STMND1: variants seen among roughly 807,000 people sequenced by gnomAD.
STMND1 encodes stathmin domain containing 1.
A neutral mutation model predicts 23.0 loss-of-function variants in STMND1; 17 were observed. The observed-to-expected ratio is 0.74, with a 90% CI of 0.51 to 1.11. The LOEUF (loss-of-function observed/expected upper bound fraction) is 1.11, where lower values mean the gene tolerates loss of function less well. Ranked by LOEUF, STMND1 falls within the 50% of genes least tolerant of loss-of-function variation. The probability of loss-of-function intolerance (pLI) is 0.00; values close to 1 mark genes in which losing one functional copy is unlikely to be tolerated. For synonymous variants in STMND1, 114 were observed against 119.9 expected (o/e 0.95, Z 0.32); for missense variants, 305 against 329.1 (o/e 0.93, Z 0.57).
intron 1 of STMND1, 147 bp from the exon 2 acceptor site, chr6:17,114,815 G>T: frequency 1.3e-6 from 1 of 793,218 alleles, no homozygotes; most frequent in South Asian, 2.3e-5. Context: ...TGGCCCAGGG[G>T]GTTGGGGACC....
intron 1 of STMND1, among the ~76,000 whole-genome samples, chr6:17,112,702 G>A (rs186403183): frequency 4.6e-5 from 7 of 152,054 alleles, no homozygotes; most frequent in Non-Finnish European, 8.8e-5. Flanking sequence ...GCGTGAACCC[G>A]GGAGGCAGAG....
chr6:17,111,964 G>T (rs1318905651), intron 1 of STMND1, among the ~76,000 whole-genome samples: 5 of 152,150 alleles, frequency 3.3e-5, no homozygotes, highest in African/African-American at 1.2e-4. Context: ...ATCCCGCATG[G>T]CCTAATCAAC....
At chr6:17,109,054 A>G (rs1004842209) in intron 1 of STMND1, among the ~76,000 whole-genome samples, 2 of 152,184 alleles carry the variant, frequency 1.3e-5, no homozygotes, top group African/African-American at 4.8e-5. Context: ...TTGTATGTAA[A>G]GACTCCTTTC....
At chr6:17,126,049 TATATATATATATATATATA>T (rs1286476889) in intron 3 of STMND1, among the ~76,000 whole-genome samples, 2 of 31,246 alleles carry the variant, frequency 6.4e-5, no homozygotes, top group African/African-American at 1.5e-4. Flanking sequence ...TATATATATA[TATATATATATATATATATA>T]TATTTTTTTT....
chr6:17,111,858 C>A (rs928710635), intron 1 of STMND1, among the ~76,000 whole-genome samples: 1 of 152,130 alleles, frequency 6.6e-6, no homozygotes, highest in Non-Finnish European at 1.5e-5. Context: ...GAGGGCTGCC[C>A]TTCTGTGTCC....
chr6:17,106,224 A>G (rs1761023117), intron 1 of STMND1, among the ~76,000 whole-genome samples: 1 of 151,646 alleles, frequency 6.6e-6, no homozygotes, highest in Non-Finnish European at 1.5e-5. Flanking sequence ...CCCATCCCCA[A>G]CCTCTGCCAC....
chr6:17,106,564 C>G (rs1761028469), intron 1 of STMND1, among the ~76,000 whole-genome samples: 1 of 152,200 alleles, frequency 6.6e-6, no homozygotes, highest in Non-Finnish European at 1.5e-5. Flanking sequence ...AGTCGACCTT[C>G]TTTCCTAGCC....
At chr6:17,119,352 GTA>G (rs1310131348) in intron 2 of STMND1, among the ~76,000 whole-genome samples, 1 of 152,132 alleles carries the variant, frequency 6.6e-6, no homozygotes, top group South Asian at 2.1e-4. Flanking sequence ...GCGTCTGTGT[GTA>G]TGTTTTCTAT....
chr6:17,120,476 G>A, intron 2 of STMND1, 131 bp from the exon 3 acceptor site: 1 of 629,894 alleles, frequency 1.6e-6, no homozygotes, highest in Non-Finnish European at 2.5e-6. Context: ...ACTTATAATA[G>A]AAATATATTA....
intron 1 of STMND1, among the ~76,000 whole-genome samples, chr6:17,107,455 T>C (rs1277934409): frequency 1.3e-5 from 2 of 152,164 alleles, no homozygotes; most frequent in African/African-American, 4.8e-5. Flanking sequence ...AAAAAGTTCA[T>C]AAAATGTAGA....
At position 17,115,154 on chromosome 6, in the gene STMND1, C is replaced by T. The variant is rs1240801824; in HGVS notation, c.259+15C>T. The T allele has an allele frequency of 6.5e-7, 1 of 1,528,466 alleles. No individual in the cohort carries two copies. Among genetic ancestry groups the T allele is most frequent in the South Asian group, 1.2e-5 (1 of 82,730 alleles). 94.7% of individuals were successfully genotyped at this position (1,528,466 alleles called of 1,614,324 possible). ...AGTAAATTCAGGTAACCTCCCTCTGCCCCCATTCACGTAGATCTTCACAAA... is the reference window on the plus strand; with the variant it reads ...AGTAAATTCAGGTAACCTCCCTCTGTCCCCATTCACGTAGATCTTCACAAA... On this transcript the variant is annotated intron_variant, in intron 2 of 4. Transcript: ENST00000536551.
At chr6:17,115,372 T>TAAAAAAAA (rs75171969) in intron 2 of STMND1, among the ~76,000 whole-genome samples, 16 of 116,086 alleles carry the variant, frequency 1.4e-4, no homozygotes, top group East Asian at 2.4e-4. Context: ...GGACCATCTT[T>TAAAAAAAA]AAAAAAAAAA....
At chr6:17,110,596 C>G (rs1394740720) in intron 1 of STMND1, 1 of 311,540 alleles carries the variant, frequency 3.2e-6, no homozygotes, top group East Asian at 8.3e-5. Context: ...GGTGAAACCC[C>G]GTCTCTACTA....
At chr6:17,113,319 C>T (rs1018114947) in intron 1 of STMND1, among the ~76,000 whole-genome samples, 34 of 152,198 alleles carry the variant, frequency 2.2e-4, no homozygotes, top group African/African-American at 6.0e-4. Flanking sequence ...GGCAGGCAGT[C>T]GAAAAGAACA....
intron 1 of STMND1, among the ~76,000 whole-genome samples, chr6:17,105,408 G>A (rs184672327): frequency 6.2e-4 from 94 of 152,366 alleles, no homozygotes; most frequent in African/African-American, 2.1e-3. Context: ...CACTTTGGGA[G>A]GCTGAAGGGG....
chr6:17,113,763 C>A (rs774973533), intron 1 of STMND1, among the ~76,000 whole-genome samples: 1 of 152,004 alleles, frequency 6.6e-6, no homozygotes, highest in Non-Finnish European at 1.5e-5. Flanking sequence ...CCACCACATC[C>A]AGCCTGTATT....
rs1377724704 is a variant in STMND1, at chr6:17,120,488, G to A, written c.260-119G>A. The A allele has an allele frequency of 7.2e-5, 48 of 667,882 alleles. No homozygotes were observed. In the East Asian group the frequency reaches 1.3e-3, roughly 18 times the overall value. The allele number at this position is 667,882 out of a possible 1,614,324, so 41.4% of individuals were successfully genotyped here. ...AAGACTTATAATAGAAATATATTAA[G>A]TGTTGAAACTAAGATCTAATTAAGT... On this transcript the variant is annotated intron_variant, in intron 2 of 4. Transcript: ENST00000536551.
In STMND1 at chr6:17,114,787, C is replaced by T. The variant is rs11969793; in HGVS notation, c.82-175C>T. Reference sequence around the variant, plus strand: ...CTGCAGCCCAGTTCCTAACAGGCCACGGACCAGTACTGGTATGTGGCCCAG... The same window carrying T: ...CTGCAGCCCAGTTCCTAACAGGCCATGGACCAGTACTGGTATGTGGCCCAG... On this transcript the variant is annotated intron_variant, in intron 1 of 4. Transcript: ENST00000536551. Among the ~76,000 whole-genome samples, 983 of 152,186 alleles carry T rather than the reference C, an allele frequency of 6.5e-3. 13 individuals are homozygous for T. The highest frequency in any genetic ancestry group is 0.022 in the African/African-American group (928 of 41,554).
intron 2 of STMND1, 100 bp from the exon 3 acceptor site, chr6:17,120,507 A>C (rs1438084554): frequency 1.2e-6 from 1 of 848,492 alleles, no homozygotes; most frequent in African/African-American, 1.7e-5. Flanking sequence ...CTAAGATCTA[A>C]TTAAGTAGCA....
Sources: allele counts gnomAD v4.1 joint callset (sites outside exome capture counted in the v4.1 genomes callset), GRCh38; gene constraint gnomAD v4.1.1; transcripts MANE v1.5; gene names NCBI Gene and HGNC (gene_info 2026-07-23, HGNC 2026-07-21).